IGFL2: variants seen among roughly 807,000 people sequenced by gnomAD.
IGFL2 encodes the protein insulin growth factor-like family member 2.
Under a neutral mutation model 13.9 loss-of-function variants are expected in IGFL2, and 7 were observed. That is an observed-to-expected ratio of 0.51 (90% CI 0.29 to 0.95). The LOEUF (loss-of-function observed/expected upper bound fraction) is 0.95, where lower values mean the gene tolerates loss of function less well. Ranked by LOEUF, IGFL2 falls within the 40% of genes least tolerant of loss-of-function variation. IGFL2 has a pLI of 0.08. For synonymous variants in IGFL2, 55 were observed against 55.8 expected (o/e 0.99, Z 0.07); for missense variants, 138 against 147.8 (o/e 0.93, Z 0.34).
At chr19:46,213,510 A>C in the IGFL2 span, 1 of 156,406 alleles carries the variant, frequency 6.4e-6, no homozygotes. Context: ...CCCATTCCCA[A>C]CCGAACCCAT....
chr19:46,121,489 T>G, the IGFL2 span, among the ~76,000 whole-genome samples: 1 of 150,140 alleles, frequency 6.7e-6, no homozygotes, highest in African/African-American at 2.5e-5. Flanking sequence ...CTTCCCAAGA[T>G]GCATCTCAAC....
the IGFL2 span, among the ~76,000 whole-genome samples, chr19:46,079,215 T>C: frequency 1.1e-4 from 17 of 152,282 alleles, no homozygotes; most frequent in African/African-American, 3.9e-4. Flanking sequence ...CAGTAGTCAT[T>C]GCCAGTTTCG....
At chr19:46,082,267 A>G in the IGFL2 span, among the ~76,000 whole-genome samples, 2 of 152,216 alleles carry the variant, frequency 1.3e-5, no homozygotes, top group Non-Finnish European at 2.9e-5. Context: ...TTATTAAGAC[A>G]GTTAAACTCT....
the IGFL2 span, among the ~76,000 whole-genome samples, chr19:46,206,085 C>G: frequency 1.3e-5 from 2 of 152,302 alleles, no homozygotes; most frequent in Non-Finnish European, 2.9e-5. Context: ...AAGAGTCCAA[C>G]CCAGGGCTGT....
the IGFL2 span, among the ~76,000 whole-genome samples, chr19:46,129,871 C>T: frequency 6.6e-6 from 1 of 152,004 alleles, no homozygotes; most frequent in Admixed American, 6.6e-5. Flanking sequence ...AGATGTCTAT[C>T]AGGCCCATTT....
At chr19:46,162,048 G>A (rs1974195791), downstream of IGFL2, among the ~76,000 whole-genome samples, 3 of 152,176 alleles carry the variant, frequency 2.0e-5, no homozygotes, top group Non-Finnish European at 2.9e-5. Flanking sequence ...TATCTGAAAA[G>A]GATCTTAGGA....
chr19:46,118,453 G>C, the IGFL2 span, among the ~76,000 whole-genome samples: 24 of 152,220 alleles, frequency 1.6e-4, no homozygotes, highest in African/African-American at 5.1e-4. Context: ...GAAGCAGTAA[G>C]AGAGAAAGCC....
the IGFL2 span, among the ~76,000 whole-genome samples, chr19:46,127,262 T>C: frequency 6.6e-6 from 1 of 152,068 alleles, no homozygotes; most frequent in Non-Finnish European, 1.5e-5. Context: ...TGGTGGTACA[T>C]GCCTGCAGTC....
the IGFL2 span, among the ~76,000 whole-genome samples, chr19:46,128,899 G>C: frequency 2.6e-5 from 4 of 152,132 alleles, no homozygotes; most frequent in African/African-American, 9.7e-5. Flanking sequence ...CAATTTTTTG[G>C]AATACTTTCA....
At chr19:46,079,765 A>G in the IGFL2 span, among the ~76,000 whole-genome samples, 1 of 152,220 alleles carries the variant, frequency 6.6e-6, no homozygotes. Flanking sequence ...AATTGCCCTC[A>G]TCAAAGGAAG....
chr19:46,159,808 A>G (rs1161725329), intron 1 of IGFL2: 1 of 152,684 alleles, frequency 6.5e-6, no homozygotes, highest in East Asian at 1.9e-4. Context: ...GTCTCTACAG[A>G]AAATAGAAAA....
At chr19:46,126,077 T>TCTTG in the IGFL2 span, among the ~76,000 whole-genome samples, 1 of 151,484 alleles carries the variant, frequency 6.6e-6, no homozygotes, top group Non-Finnish European at 1.5e-5. Context: ...AAGATGTTAT[T>TCTTG]GAAAGATACA....
chr19:46,092,486 G>A, the IGFL2 span, among the ~76,000 whole-genome samples: 1 of 151,894 alleles, frequency 6.6e-6, no homozygotes, highest in Non-Finnish European at 1.5e-5. Context: ...ACAAAAATTA[G>A]CTGGGCTTGG....
downstream of IGFL2, among the ~76,000 whole-genome samples, chr19:46,162,664 T>C (rs182865395): frequency 1.4e-3 from 206 of 152,350 alleles, 1 homozygote; most frequent in Non-Finnish European, 2.3e-3. Flanking sequence ...GGTTCTTTTT[T>C]ATACCAGCTA....
chr19:46,119,528 CA>C, the IGFL2 span, among the ~76,000 whole-genome samples: 1 of 141,148 alleles, frequency 7.1e-6, no homozygotes, highest in African/African-American at 2.8e-5. Flanking sequence ...ATTCTCATCC[CA>C]CTGCTGCTAC....
chr19:46,125,360 A>G, the IGFL2 span, among the ~76,000 whole-genome samples: 3 of 152,232 alleles, frequency 2.0e-5, no homozygotes, highest in Admixed American at 1.3e-4. Flanking sequence ...ATCATATTAT[A>G]TTAGTGGCCA....
the IGFL2 span, among the ~76,000 whole-genome samples, chr19:46,115,762 A>G: frequency 6.6e-6 from 1 of 152,202 alleles, no homozygotes; most frequent in Non-Finnish European, 1.5e-5. Flanking sequence ...ATTATTTTCA[A>G]GCTTCAAGAA....
chr19:46,186,300 T>C, the IGFL2 span, among the ~76,000 whole-genome samples: 1,236 of 152,306 alleles, frequency 8.1e-3, 17 homozygotes, highest in African/African-American at 0.027. Context: ...GTGCCGTCCA[T>C]GCCACTTGTC....
the IGFL2 span, chr19:46,173,953 G>C: frequency 6.6e-6 from 1 of 152,274 alleles, no homozygotes; most frequent in African/African-American, 2.4e-5. Context: ...GCAGCCTCAA[G>C]TGTGTCTGGG....
Sources: gnomAD v4.1 joint callset for allele counts (sites outside exome capture counted in the v4.1 genomes callset) on GRCh38, gnomAD v4.1.1 for gene constraint, MANE v1.5 for transcripts, NCBI Gene and HGNC (gene_info 2026-07-23, HGNC 2026-07-21) for gene names.